ZNF891: variants seen among roughly 807,000 people sequenced by gnomAD.
ZNF891 encodes the protein zinc finger protein 891.
For synonymous variants in ZNF891, 199 were observed against 209.0 expected (o/e 0.95, Z 0.41); for missense variants, 589 against 632.7 (o/e 0.93, Z 0.74).
Position 133,105,754 on chromosome 12 carries a change from G to A in ZNF891, c.*14530C>T, listed in dbSNP as rs1390315379. 1.2e-6 allele frequency: 2 copies of A among 1,614,158 alleles called. No homozygotes were observed. The highest frequency in any genetic ancestry group is 2.2e-5 in the East Asian group (1 of 44,874). On this transcript the variant is annotated 3_prime_UTR_variant, in exon 2 of 2. Transcript: ENST00000537226. Reference sequence around the variant, plus strand: ...ATATGAATATCAGTACTGTGGAGAGGCCCTATGGATGCCATGAATGTGGAA... The same window carrying A: ...ATATGAATATCAGTACTGTGGAGAGACCCTATGGATGCCATGAATGTGGAA...
chr12:133,118,478 C>T lies in ZNF891; in HGVS notation c.*1806G>A, dbSNP rs1233142665. 6.6e-6 allele frequency: 1 copy of T among 152,194 alleles called. No individual in the cohort carries two copies. The highest frequency in any genetic ancestry group is 2.4e-5 in the African/African-American group (1 of 41,444). The allele number at this position is 152,194 out of a possible 1,614,324, so 9.4% of individuals were successfully genotyped here. On this transcript the variant is annotated 3_prime_UTR_variant, in exon 2 of 2. Coordinates refer to ENST00000537226, the MANE Select transcript of ZNF891 (RefSeq NM_001277291.2). Reference sequence around the variant, plus strand: ...CAATTCTAGAATTGCGTACCAACCTCTTCATCTGGATGTCTCACCATCCTC... The same window carrying T: ...CAATTCTAGAATTGCGTACCAACCTTTTCATCTGGATGTCTCACCATCCTC...
intron 1 of ZNF891, among the ~76,000 whole-genome samples, chr12:133,123,585 G>A (rs1015175844): frequency 3.9e-5 from 6 of 151,988 alleles, no homozygotes; most frequent in Admixed American, 3.9e-4. Context: ...GCATGCGCCT[G>A]AAGCCCCAGC....
In ZNF891 at chr12:133,108,081, A is replaced by G. The variant is rs966038029; in HGVS notation, c.*12203T>C. The G allele has an allele frequency of 2.0e-5, 3 of 152,142 alleles. No individual in the cohort carries two copies. The highest frequency in any genetic ancestry group is 4.4e-5 in the Non-Finnish European group (3 of 68,026). 9.4% of individuals were successfully genotyped at this position (152,142 alleles called of 1,614,324 possible). On this transcript the variant is annotated 3_prime_UTR_variant, in exon 2 of 2. Transcript: ENST00000537226. The stretch of plus-strand genomic sequence containing the variant: ...TGCCATATTGGTACATACATTTAGA[A>G]GCTTCTCAAGTTTCCATAAGAGTTG...
rs141280556 is a variant in ZNF891, at chr12:133,126,273, C to T, written c.-107+3954G>A. Among the ~76,000 whole-genome samples, 119 of 151,736 alleles carry T rather than the reference C, an allele frequency of 7.8e-4. 3 individuals are homozygous for T. The East Asian group carries it at 0.021, about 27-fold the overall frequency. On this transcript the variant is annotated intron_variant, in intron 1 of 1. Coordinates refer to ENST00000537226, the MANE Select transcript of ZNF891 (RefSeq NM_001277291.2). ...CGGGTGGATCATGAGGTCAGGAGAT[C>T]GAGACCATCCTGGCTACTGTGAAAC...
At position 133,112,395 on chromosome 12, in the gene ZNF891, C is replaced by T. The variant is rs1247667282; in HGVS notation, c.*7889G>A. The T allele has an allele frequency of 6.6e-6, 1 of 152,260 alleles. No homozygotes were observed. The highest frequency in any genetic ancestry group is 2.4e-5 in the African/African-American group (1 of 41,316). 9.4% of individuals were successfully genotyped at this position (152,260 alleles called of 1,614,324 possible). A position where few individuals can be genotyped will look rare whatever the true frequency, so the allele number is the denominator to read the frequency against. ...GGAGTGCAGTGGCACTATCTTGGCT[C>T]ACTGCAACCTCCGCCTCCTGGGTTC... is the stretch of plus-strand genomic sequence containing the variant. On this transcript the variant is annotated 3_prime_UTR_variant, in exon 2 of 2. Transcript: ENST00000537226.
At chr12:133,126,739 C>T (rs537317861) in intron 1 of ZNF891, among the ~76,000 whole-genome samples, 9 of 150,498 alleles carry the variant, frequency 6.0e-5, no homozygotes, top group East Asian at 2.0e-4. Flanking sequence ...AATGCTTGAA[C>T]CCAAGAGGTG....
chr12:133,119,862 A>G lies in ZNF891; in HGVS notation c.*422T>C, dbSNP rs1273625193. 6.3e-6 allele frequency: 1 copy of G among 159,934 alleles called. No homozygotes were observed. The highest frequency in any genetic ancestry group is 1.4e-5 in the Non-Finnish European group (1 of 72,528). 9.9% of individuals were successfully genotyped at this position (159,934 alleles called of 1,614,324 possible). A position where few individuals can be genotyped will look rare whatever the true frequency, so the allele number is the denominator to read the frequency against. On this transcript the variant is annotated 3_prime_UTR_variant, in exon 2 of 2. Coordinates refer to ENST00000537226, the MANE Select transcript of ZNF891 (RefSeq NM_001277291.2). ...ACCCTTAGCTACAAGAAGTCAAAGA[A>G]GCGTTCTATAACCAGAGACCTTATT...
At chr12:133,128,371 C>G (rs962346939) in intron 1 of ZNF891, among the ~76,000 whole-genome samples, 1 of 152,206 alleles carries the variant, frequency 6.6e-6, no homozygotes, top group East Asian at 1.9e-4. Flanking sequence ...GTGGCTCACG[C>G]CTGTAATCCT....
Position 133,121,197 on chromosome 12 carries a change from CT to C in ZNF891, c.721del (p.Ser241ValfsTer123). ...IINNYVKNSISEKLYESHECD... is the reference protein window; with the variant it reads ...IINNYVKNSIXEKLYESHECD... ...TTCATGACTTTCATAGAGCTTCTCA[CT>C]TATAGAGTTTTTCACATAATTGTTT... On this transcript the variant is annotated frameshift_variant, in exon 2 of 2. Coordinates refer to ENST00000537226, the MANE Select transcript of ZNF891 (RefSeq NM_001277291.2). LOFTEE classifies it low-confidence loss of function (END_TRUNC). 6.5e-7 allele frequency: 1 copy of C among 1,535,534 alleles called. No individual in the cohort carries two copies. The highest frequency in any genetic ancestry group is 8.7e-7 in the Non-Finnish European group (1 of 1,146,834).
In ZNF891 at chr12:133,118,506, A is replaced by C. The variant is rs1955728478; in HGVS notation, c.*1778T>G. 2 of 152,186 alleles carry C rather than the reference A, an allele frequency of 1.3e-5. No individual in the cohort carries two copies. Among genetic ancestry groups the C allele is most frequent in the Admixed American group, 1.3e-4 (2 of 15,272 alleles). The allele number at this position is 152,186 out of a possible 1,614,324, so 9.4% of individuals were successfully genotyped here. On this transcript the variant is annotated 3_prime_UTR_variant, in exon 2 of 2. Transcript: ENST00000537226. ...CATCTGGATGTCTCACCATCCTCTG[A>C]GGCTAACATGAATAACTACAACAGC...
Position 133,108,893 on chromosome 12 carries a change from A to G in ZNF891, c.*11391T>C, listed in dbSNP as rs1184123554. 1 of 152,236 alleles carries G rather than the reference A, an allele frequency of 6.6e-6. No individual in the cohort carries two copies. The allele number at this position is 152,236 out of a possible 1,614,324, so 9.4% of individuals were successfully genotyped here. The stretch of plus-strand genomic sequence containing the variant: ...ACTGTGGGAAAACTACCATTGTAAT[A>G]AGTGTAGCAAAATCTTCTTAGATAT... On this transcript the variant is annotated 3_prime_UTR_variant, in exon 2 of 2. Transcript: ENST00000537226.
rs1386179297 is a variant in ZNF891, at chr12:133,105,061, GCTTT to G, written c.*15219_*15222del. Among the ~76,000 whole-genome samples, 7 of 152,054 alleles carry G rather than the reference GCTTT, an allele frequency of 4.6e-5. No homozygotes were observed. The highest frequency in any genetic ancestry group is 3.9e-4 in the Admixed American group (6 of 15,258). On this transcript the variant is annotated 3_prime_UTR_variant, in exon 2 of 2. Coordinates refer to ENST00000537226, the MANE Select transcript of ZNF891 (RefSeq NM_001277291.2). ...TCATAGGCAAGTTTTCAGAGAAACC[GCTTT>G]TTTTTTCATTTAGATTATTATAAGA... is the stretch of plus-strand genomic sequence containing the variant.
chr12:133,121,970 G>C lies in ZNF891; in HGVS notation c.-52C>G. ...AGAGTAGAGAGATCAGGATGTTTCT[G>C]TTCTTGTGTCTCCAATCCAGTCACA... On this transcript the variant is annotated 5_prime_UTR_variant, in exon 2 of 2. Coordinates refer to ENST00000537226, the MANE Select transcript of ZNF891 (RefSeq NM_001277291.2). 1.4e-6 allele frequency: 2 copies of C among 1,448,660 alleles called. No homozygotes were observed. The highest frequency in any genetic ancestry group is 1.8e-6 in the Non-Finnish European group (2 of 1,102,698). 89.7% of individuals were successfully genotyped at this position (1,448,660 alleles called of 1,614,324 possible).
At position 133,118,776 on chromosome 12, in the gene ZNF891, T is replaced by TA. The variant is rs1439673605; in HGVS notation, c.*1507dup. On this transcript the variant is annotated 3_prime_UTR_variant, in exon 2 of 2. Coordinates refer to ENST00000537226, the MANE Select transcript of ZNF891 (RefSeq NM_001277291.2). ...TCTATCTTCATCTGCTGCTTAAGCA[T>TA]AAAAGCTCGGTCAACATTCCTTTTC... The TA allele has an allele frequency of 6.6e-6, 1 of 152,256 alleles. No individual in the cohort carries two copies. The highest frequency in any genetic ancestry group is 1.5e-5 in the Non-Finnish European group (1 of 68,038). The allele number at this position is 152,256 out of a possible 1,614,324, so 9.4% of individuals were successfully genotyped here.
chr12:133,126,377 G>C lies in ZNF891; in HGVS notation c.-107+3850C>G, dbSNP rs531185699. On this transcript the variant is annotated intron_variant, in intron 1 of 1. Transcript: ENST00000537226. ...TAGTCCCAGCTACACGGGAGTGTGA[G>C]GCAGGAGAATGGCATGAACCTGGAA... 1.1e-4 allele frequency among the ~76,000 whole-genome samples: 16 copies of C among 150,662 alleles called. No homozygotes were observed. In the East Asian group the frequency reaches 1.8e-3, roughly 17 times the overall value.
In ZNF891 at chr12:133,112,327, CT is replaced by C. The variant is rs112022222; in HGVS notation, c.*7956del. 158 of 147,114 alleles carry C rather than the reference CT, an allele frequency of 1.1e-3. No individual in the cohort carries two copies. Among genetic ancestry groups the C allele is most frequent in the Middle Eastern group, 3.5e-3 (1 of 284 alleles). The allele number at this position is 147,114 out of a possible 1,614,324, so 9.1% of individuals were successfully genotyped here. A position where few individuals can be genotyped will look rare whatever the true frequency, so the allele number is the denominator to read the frequency against. On this transcript the variant is annotated 3_prime_UTR_variant, in exon 2 of 2. Coordinates refer to ENST00000537226, the MANE Select transcript of ZNF891 (RefSeq NM_001277291.2). ...AATGTTATTTTCTCATGGAGACCTTCTTTTTTTTTTTTGAGACACAGTCTTG... is the reference window on the plus strand; with the variant it reads ...AATGTTATTTTCTCATGGAGACCTTCTTTTTTTTTTTGAGACACAGTCTTG...
chr12:133,128,941 G>T (rs1955846264), intron 1 of ZNF891, among the ~76,000 whole-genome samples: 1 of 150,940 alleles, frequency 6.6e-6, no homozygotes, highest in Non-Finnish European at 1.5e-5. Context: ...TTTTTGAAAA[G>T]ACTATGTACA....
At position 133,110,511 on chromosome 12, in the gene ZNF891, A is replaced by G. The variant is rs1955675822; in HGVS notation, c.*9773T>C. The G allele has an allele frequency of 6.6e-6, 1 of 152,250 alleles. No individual in the cohort carries two copies. The highest frequency in any genetic ancestry group is 6.5e-5 in the Admixed American group (1 of 15,288). The allele number at this position is 152,250 out of a possible 1,614,324, so 9.4% of individuals were successfully genotyped here. ...AATATTAGTAAAGAATAGTCATGGG[A>G]GAATGACCACAATTCTGTATTTTCT... On this transcript the variant is annotated 3_prime_UTR_variant, in exon 2 of 2. Transcript: ENST00000537226.
Position 133,114,285 on chromosome 12 carries a change from G to C in ZNF891, c.*5999C>G, listed in dbSNP as rs1593821952. 6.6e-6 allele frequency: 1 copy of C among 152,056 alleles called. No individual in the cohort carries two copies. Among genetic ancestry groups the C allele is most frequent in the South Asian group, 2.1e-4 (1 of 4,830 alleles). The allele number at this position is 152,056 out of a possible 1,614,324, so 9.4% of individuals were successfully genotyped here. On this transcript the variant is annotated 3_prime_UTR_variant, in exon 2 of 2. Transcript: ENST00000537226. ...TAACAGTCTTAGTTTCTGCACACCT[G>C]TTATGGTGCAACATTTTCCTATACC... is the stretch of plus-strand genomic sequence containing the variant.
Sources: allele counts gnomAD v4.1 joint callset (sites outside exome capture counted in the v4.1 genomes callset), GRCh38; gene constraint gnomAD v4.1.1; transcripts MANE v1.5; gene names NCBI Gene and HGNC (gene_info 2026-07-23, HGNC 2026-07-21).